KCNG3: variants seen among roughly 807,000 people sequenced by gnomAD.
The protein encoded by KCNG3 is voltage-gated potassium channel regulatory subunit KCNG3.
A neutral mutation model predicts 29.0 loss-of-function variants in KCNG3; 15 were observed. The observed-to-expected ratio is 0.52, with a 90% CI of 0.35 to 0.80. The LOEUF (loss-of-function observed/expected upper bound fraction) is 0.80, where lower values mean the gene tolerates loss of function less well. KCNG3 is among the 30% of genes least tolerant of loss of function. The pLI is 0.01. For missense variants in KCNG3, 512 were observed against 605.7 expected (o/e 0.85, Z 1.62); for synonymous variants, 322 against 248.9 (o/e 1.29, Z -2.76).
At chr2:42,472,433 G>A (rs1163794076) in intron 1 of KCNG3, among the ~76,000 whole-genome samples, 1 of 151,996 alleles carries the variant, frequency 6.6e-6, no homozygotes, top group Non-Finnish European at 1.5e-5. Flanking sequence ...TCAAAGTCAG[G>A]AGAGTGCCAC....
the KCNG3 span, among the ~76,000 whole-genome samples, chr2:42,399,570 C>T: frequency 1.3e-5 from 2 of 152,124 alleles, no homozygotes; most frequent in Non-Finnish European, 1.5e-5. Flanking sequence ...CCAGGAAACA[C>T]ATGCAGAATT....
the KCNG3 span, among the ~76,000 whole-genome samples, chr2:42,400,172 A>G: frequency 6.6e-6 from 1 of 152,136 alleles, no homozygotes; most frequent in African/African-American, 2.4e-5. Context: ...CCTGTCCAAT[A>G]GGTCCACTTC....
the KCNG3 span, chr2:42,388,639 C>G: frequency 3.9e-5 from 6 of 152,152 alleles, no homozygotes; most frequent in African/African-American, 1.4e-4. Context: ...CTTGTCTCTT[C>G]TTGTGAGGCC....
downstream of KCNG3, among the ~76,000 whole-genome samples, chr2:42,437,826 T>C (rs1489841432): frequency 1.3e-5 from 2 of 150,020 alleles, no homozygotes; most frequent in African/African-American, 2.5e-5. Context: ...TAATCCCAGA[T>C]ACTTGGGAGG....
At chr2:42,409,731 T>TAAAAA in the KCNG3 span, among the ~76,000 whole-genome samples, 6 of 77,026 alleles carry the variant, frequency 7.8e-5, no homozygotes, top group African/African-American at 2.1e-4. Context: ...AAAAAAAAAT[T>TAAAAA]TTTTTTTAAA....
At chr2:42,469,437 G>C (rs1198321657) in intron 1 of KCNG3, among the ~76,000 whole-genome samples, 1 of 146,020 alleles carries the variant, frequency 6.8e-6, no homozygotes, top group Non-Finnish European at 1.5e-5. Flanking sequence ...AAAAAAAATA[G>C]GATAGTGAAC....
At chr2:42,394,039 C>T in the KCNG3 span, among the ~76,000 whole-genome samples, 1 of 152,098 alleles carries the variant, frequency 6.6e-6, no homozygotes, top group South Asian at 2.1e-4. Context: ...TCTCAGCCTC[C>T]CAAAGTGCTG....
chr2:42,444,312 T>C lies in KCNG3; in HGVS notation c.933A>G (p.Thr311=). The part of the protein sequence containing the change: ...KLARHFIGLQ[T]LGLTLKRCYR... ...AGCAACGTTTGAGAGTCAAACCGAGTGTCTGAAGACCAATGAAGTGACGGG... is the reference window on the plus strand; with the variant it reads ...AGCAACGTTTGAGAGTCAAACCGAGCGTCTGAAGACCAATGAAGTGACGGG... Residue 311 remains threonine, a synonymous_variant, in exon 2 of 2, where the codon ACA becomes ACG. Coordinates refer to ENST00000306078, the MANE Select transcript of KCNG3 (RefSeq NM_133329.6). This position sits in a 1 kb window ranked among gnomAD's most constrained non-coding sequence, Gnocchi z 5.8. 1.9e-6 allele frequency: 3 copies of C among 1,614,122 alleles called. No homozygotes were observed. Among genetic ancestry groups the C allele is most frequent in the African/African-American group, 1.3e-5 (1 of 75,018 alleles).
the KCNG3 span, among the ~76,000 whole-genome samples, chr2:42,407,567 G>C: frequency 6.6e-6 from 1 of 152,278 alleles, no homozygotes; most frequent in Admixed American, 6.5e-5. Flanking sequence ...AGCTCCCCAG[G>C]TGCAGCCACA....
the KCNG3 span, among the ~76,000 whole-genome samples, chr2:42,433,392 G>A: frequency 6.6e-6 from 1 of 152,126 alleles, no homozygotes; most frequent in Non-Finnish European, 1.5e-5. Flanking sequence ...TGGTGTGTGA[G>A]TCGGTGGGCT....
At chr2:42,453,613 T>G (rs1315274332) in intron 1 of KCNG3, among the ~76,000 whole-genome samples, 1 of 152,242 alleles carries the variant, frequency 6.6e-6, no homozygotes, top group Non-Finnish European at 1.5e-5. Context: ...TTTTAATCCC[T>G]TGTCAGATAG....
chr2:42,407,635 G>C, the KCNG3 span, among the ~76,000 whole-genome samples: 4 of 152,134 alleles, frequency 2.6e-5, no homozygotes, highest in African/African-American at 7.2e-5. Context: ...AGCCCCGCTT[G>C]GGGGGCAGCT....
chr2:42,474,995 GTCTTC>G (rs1263549016), intron 1 of KCNG3, among the ~76,000 whole-genome samples: 1 of 152,128 alleles, frequency 6.6e-6, no homozygotes, highest in East Asian at 1.9e-4. Flanking sequence ...CTTATTTCCT[GTCTTC>G]TCATCATTGT....
chr2:42,438,573 C>A (rs1248215454), downstream of KCNG3, among the ~76,000 whole-genome samples: 2 of 152,174 alleles, frequency 1.3e-5, no homozygotes, highest in African/African-American at 4.8e-5. Context: ...ACCAAAGCTA[C>A]TTAAAATGTA....
chr2:42,455,736 T>TA (rs1672860419), intron 1 of KCNG3, among the ~76,000 whole-genome samples: 1 of 151,862 alleles, frequency 6.6e-6, no homozygotes, highest in Admixed American at 6.6e-5. Flanking sequence ...TCCATTACAC[T>TA]CCAGACTAGG....
rs1378412315 is a variant in KCNG3, at chr2:42,461,380, G to C, written c.666-16801C>G. On this transcript the variant is annotated intron_variant, in intron 1 of 1. Transcript: ENST00000306078. Reference sequence around the variant, plus strand: ...TGTGTGCGCCTTGCCTGAGGCTCTTGAGAGTCAGAAACTCTCAAGATTTCT... The same window carrying C: ...TGTGTGCGCCTTGCCTGAGGCTCTTCAGAGTCAGAAACTCTCAAGATTTCT... 1.3e-5 allele frequency among the ~76,000 whole-genome samples: 2 copies of C among 151,946 alleles called. 1 individual carries two copies. The highest frequency in any genetic ancestry group is 3.9e-4 in the East Asian group (2 of 5,152).
downstream of KCNG3, among the ~76,000 whole-genome samples, chr2:42,439,104 A>T (rs561238737): frequency 3.9e-5 from 6 of 152,310 alleles, no homozygotes; most frequent in African/African-American, 1.2e-4. Flanking sequence ...CATGTGGATG[A>T]GTGCACAACT....
the KCNG3 span, among the ~76,000 whole-genome samples, chr2:42,414,824 A>G: frequency 6.6e-6 from 1 of 152,074 alleles, no homozygotes; most frequent in South Asian, 2.1e-4. Flanking sequence ...CTCTCTTCAA[A>G]TATGTCCAGC....
chr2:42,489,388 C>G (rs1673816189), intron 1 of KCNG3, among the ~76,000 whole-genome samples: 1 of 152,006 alleles, frequency 6.6e-6, no homozygotes, highest in Non-Finnish European at 1.5e-5. Flanking sequence ...GATCTCTTCT[C>G]AATCAATCAA....
Sources: allele counts gnomAD v4.1 joint callset (sites outside exome capture counted in the v4.1 genomes callset), GRCh38; gene constraint gnomAD v4.1.1; non-coding constraint Gnocchi (gnomAD v3.1); transcripts MANE v1.5; gene names NCBI Gene and HGNC (gene_info 2026-07-23, HGNC 2026-07-21).